Variants in SNX18 observed in about 807,000 individuals in gnomAD.
The protein encoded by SNX18 is sorting nexin-18.
In SNX18, 35 loss-of-function variants were observed where a neutral mutation model predicts 48.7. The observed-to-expected ratio is 0.72, with a 90% CI of 0.55 to 0.95. The LOEUF is 0.95. SNX18 is among the 40% of genes least tolerant of loss of function. The pLI is 0.00. For missense variants in SNX18, 824 were observed against 871.0 expected (o/e 0.95, Z 0.68); for synonymous variants, 492 against 384.7 (o/e 1.28, Z -3.26).
chr5:54,642,376 T>C, the SNX18 span, among the ~76,000 whole-genome samples: 3 of 151,912 alleles, frequency 2.0e-5, no homozygotes, highest in African/African-American at 7.3e-5. Flanking sequence ...GAATTAGTTA[T>C]GTTGGGTTTT....
the SNX18 span, among the ~76,000 whole-genome samples, chr5:54,563,840 C>T: frequency 6.6e-6 from 1 of 151,802 alleles, no homozygotes; most frequent in Non-Finnish European, 1.5e-5. Context: ...TGCAGCTGAA[C>T]CCTAATATAA....
At chr5:54,519,833 A>G (rs1658968780) in intron 1 of SNX18, 2 of 1,596,296 alleles carry the variant, frequency 1.3e-6, no homozygotes, top group African/African-American at 1.3e-5. Context: ...CAGTGCTATC[A>G]TTTTAGAGTT....
chr5:54,546,595 G>A (rs1486494676), downstream of SNX18: 2 of 152,022 alleles, frequency 1.3e-5, no homozygotes, highest in Non-Finnish European at 2.9e-5. Context: ...TAGCTTCAAT[G>A]GAATATAATT....
the SNX18 span, among the ~76,000 whole-genome samples, chr5:54,617,370 A>G: frequency 1.3e-5 from 2 of 152,244 alleles, no homozygotes; most frequent in East Asian, 3.8e-4. Context: ...GAAAACAACA[A>G]GTGAAAACAT....
At chr5:54,617,697 G>C in the SNX18 span, among the ~76,000 whole-genome samples, 4 of 152,104 alleles carry the variant, frequency 2.6e-5, no homozygotes, top group African/African-American at 9.7e-5. Flanking sequence ...TGTCTCTGTT[G>C]ATGAATCTCT....
At chr5:54,567,881 C>T in the SNX18 span, among the ~76,000 whole-genome samples, 1 of 152,182 alleles carries the variant, frequency 6.6e-6, no homozygotes, top group African/African-American at 2.4e-5. Context: ...TGGTGCTGAT[C>T]GTGCCTGGGG....
chr5:54,523,644 C>T (rs913681011), intron 1 of SNX18, among the ~76,000 whole-genome samples: 1 of 152,202 alleles, frequency 6.6e-6, no homozygotes, highest in Non-Finnish European at 1.5e-5. Context: ...TATACAGACT[C>T]TACTTCATCG....
chr5:54,647,698 C>G, the SNX18 span, among the ~76,000 whole-genome samples: 1 of 152,130 alleles, frequency 6.6e-6, no homozygotes, highest in Non-Finnish European at 1.5e-5. Flanking sequence ...GTGATATTTA[C>G]TTGTCTTCAT....
the SNX18 span, among the ~76,000 whole-genome samples, chr5:54,580,160 C>T: frequency 6.6e-6 from 1 of 152,014 alleles, no homozygotes; most frequent in African/African-American, 2.4e-5. Context: ...CCTAGTTAAG[C>T]ACTTCCTGAT....
chr5:54,579,174 C>G, the SNX18 span, among the ~76,000 whole-genome samples: 1 of 151,780 alleles, frequency 6.6e-6, no homozygotes, highest in Non-Finnish European at 1.5e-5. Flanking sequence ...AACCCAGTCT[C>G]TACAAAAAAA....
At chr5:54,624,561 G>C in the SNX18 span, among the ~76,000 whole-genome samples, 1 of 152,180 alleles carries the variant, frequency 6.6e-6, no homozygotes, top group East Asian at 1.9e-4. Flanking sequence ...TCGTATTTTA[G>C]TACTTCAGGG....
At chr5:54,631,430 A>G in the SNX18 span, among the ~76,000 whole-genome samples, 2 of 152,288 alleles carry the variant, frequency 1.3e-5, no homozygotes, top group East Asian at 3.9e-4. Context: ...GCTTCAAATA[A>G]AACAATTTGG....
chr5:54,517,897 G>A lies in SNX18; in HGVS notation c.-56G>A. 1 of 1,448,790 alleles carries A rather than the reference G, an allele frequency of 6.9e-7. No homozygotes were observed. Among genetic ancestry groups the A allele is most frequent in the Non-Finnish European group, 9.0e-7 (1 of 1,108,358 alleles). The allele number at this position is 1,448,790 out of a possible 1,614,324, so 89.7% of individuals were successfully genotyped here. A position where few individuals can be genotyped will look rare whatever the true frequency, so the allele number is the denominator to read the frequency against. On this transcript the variant is annotated 5_prime_UTR_variant, in exon 1 of 2. The change creates a new upstream start codon in the 5' untranslated region. Coordinates refer to ENST00000381410, the MANE Select transcript of SNX18 (RefSeq NM_001102575.2). ...TCGAGCAGTACCGCGGGCCCCTCAG[G>A]TGGGCCTCGGCTCGGGACGCCGGGA...
the SNX18 span, among the ~76,000 whole-genome samples, chr5:54,603,250 A>C: frequency 2.8e-5 from 2 of 71,062 alleles, no homozygotes; most frequent in South Asian, 9.5e-4. Flanking sequence ...ATATATATAT[A>C]TTTTTTTAGA....
At chr5:54,576,331 G>A in the SNX18 span, among the ~76,000 whole-genome samples, 3 of 152,228 alleles carry the variant, frequency 2.0e-5, no homozygotes, top group Non-Finnish European at 4.4e-5. Context: ...ACAGTAATGA[G>A]AGTAGCAAGG....
intron 1 of SNX18, among the ~76,000 whole-genome samples, chr5:54,536,686 A>T (rs1762362818): frequency 6.6e-6 from 1 of 152,160 alleles, no homozygotes; most frequent in Admixed American, 6.5e-5. Flanking sequence ...GCCGCAATAA[A>T]CATACGTGTG....
intron 1 of SNX18, among the ~76,000 whole-genome samples, chr5:54,537,503 T>A (rs954590478): frequency 2.6e-5 from 4 of 152,218 alleles, no homozygotes; most frequent in African/African-American, 9.7e-5. Context: ...TGTTTATTAT[T>A]TTCTTTCATC....
chr5:54,555,427 C>T, the SNX18 span, among the ~76,000 whole-genome samples: 11,004 of 149,292 alleles, frequency 0.074, 587 homozygotes, highest in African/African-American at 0.13. Flanking sequence ...CCAGGCTGGT[C>T]TCAAACTCCT....
chr5:54,524,576 C>T (rs933404132), intron 1 of SNX18, among the ~76,000 whole-genome samples: 3 of 152,182 alleles, frequency 2.0e-5, no homozygotes. Flanking sequence ...GAATAAAAAA[C>T]TATTATTGTA....
Sources: gnomAD v4.1 joint callset for allele counts (sites outside exome capture counted in the v4.1 genomes callset) on GRCh38, gnomAD v4.1.1 for gene constraint, MANE v1.5 for transcripts, NCBI Gene and HGNC (gene_info 2026-07-23, HGNC 2026-07-21) for gene names.